The following FXYD2 variants were observed in gnomAD, a reference collection of about 807,000 sequenced individuals.
The protein encoded by FXYD2 is FXYD domain containing ion transport regulator 2.
Under a neutral mutation model 11.8 loss-of-function variants are expected in FXYD2, and 8 were observed. The observed-to-expected ratio is 0.68, with a 90% CI of 0.40 to 1.22. The LOEUF (loss-of-function observed/expected upper bound fraction) is 1.22, where lower values mean the gene tolerates loss of function less well. FXYD2 is among the 50% of genes most tolerant of loss of function. The probability of loss-of-function intolerance (pLI) is 0.01; values close to 1 mark genes in which losing one functional copy is unlikely to be tolerated. For missense variants in FXYD2, 92 were observed against 91.8 expected (o/e 1.00, Z -0.01); for synonymous variants, 42 against 33.3 (o/e 1.26, Z -0.90).
Position 117,821,102 on chromosome 11 carries a change from G to T in FXYD2, c.140-207C>A, listed in dbSNP as rs186166022. ...GACGGGGTCTTACTCTGTCACCCAG[G>T]CTGGAGTGCAGTGGTGGGATCGTAG... On this transcript the variant is annotated intron_variant, in intron 3 of 5. Coordinates refer to ENST00000292079, the MANE Select transcript of FXYD2 (RefSeq NM_001680.5). 2.5e-4 allele frequency: 127 copies of T among 515,976 alleles called. 1 individual carries two copies. The highest frequency in any genetic ancestry group is 2.2e-3 in the African/African-American group (111 of 49,820). 32.0% of individuals were successfully genotyped at this position (515,976 alleles called of 1,614,324 possible). A position where few individuals can be genotyped will look rare whatever the true frequency, so the allele number is the denominator to read the frequency against.
Position 117,822,715 on chromosome 11 carries a change from C to T in FXYD2, c.28G>A (p.Gly10Ser), listed in dbSNP as rs146614981. The T allele has an allele frequency of 1.5e-4, 241 of 1,609,604 alleles. No individual in the cohort carries two copies. In the African/African-American group the frequency reaches 2.4e-3, roughly 16 times the overall value. ...GGGTCCACGTCCCCCTTGGGGCTGC[C>T]GCCTAGGAGAGAGCCAGAGGTGGGA... MTGLSMDGG[G>S]SPKGDVDPFY... The change falls in exon 2 of 6, where the codon GGC becomes AGC. Residue 10 changes from glycine to serine, a missense_variant and splice_region_variant. Gly to Ser is a moderately conservative substitution (Grantham distance 56). Transcript: ENST00000292079. The surrounding 1 kb of genome is among the most constrained non-coding windows in gnomAD (Gnocchi z 4.7).
chr11:117,826,490 C>T (rs751196167), upstream of FXYD2, among the ~76,000 whole-genome samples: 1 of 152,092 alleles, frequency 6.6e-6, no homozygotes, highest in Non-Finnish European at 1.5e-5. Flanking sequence ...GTGGCCAGGG[C>T]ACTGGGTACA....
At chr11:117,821,788 C>T (rs1218854795) in intron 3 of FXYD2, 3 of 988,946 alleles carry the variant, frequency 3.0e-6, no homozygotes, top group Non-Finnish European at 3.6e-6. Context: ...GGTGGGGTGG[C>T]AGTGGCACAC....
rs151172706 is a variant in FXYD2, at chr11:117,822,431, G to A, written c.114C>T (p.Phe38=). 33 of 1,562,442 alleles carry A rather than the reference G, an allele frequency of 2.1e-5. No homozygotes were observed. In the African/African-American group the frequency reaches 2.7e-4, roughly 13 times the overall value. Residue 38 remains phenylalanine (F), a synonymous_variant, in exon 3 of 6, where the codon TTC becomes TTT. Coordinates refer to ENST00000292079, the MANE Select transcript of FXYD2 (RefSeq NM_001680.5). The surrounding 1 kb of genome is among the most constrained non-coding windows in gnomAD (Gnocchi z 4.7). ...NGGLIFAGLA[F]IVGLLILLSR... ...TGAGGAGGATGAGGAGCCCCACGAT[G>A]AAGGCCAGTCCAGCGAAGATCAGGC...
rs41304349 is a variant in FXYD2 at position 117,820,164 on chromosome 11, C to T, written c.*215G>A. The T allele has an allele frequency of 5.2e-3, 812 of 157,278 alleles. 4 individuals carry two copies. The highest frequency in any genetic ancestry group is 0.015 in the East Asian group (81 of 5,296). The allele number at this position is 157,278 out of a possible 1,614,324, so 9.7% of individuals were successfully genotyped here. A position where few individuals can be genotyped will look rare whatever the true frequency, so the allele number is the denominator to read the frequency against. On this transcript the variant is annotated 3_prime_UTR_variant, in exon 6 of 6. Transcript: ENST00000292079. ...AGGTGAGGGAAGCAGCGGTCTCTGA[C>T]GCCGGCTTTATTATAAGCATGAGGT...
In FXYD2 at chr11:117,822,933, T is replaced by A. The variant is rs1014897829; in HGVS notation, c.26-216A>T. Among the ~76,000 whole-genome samples the A allele has an allele frequency of 3.3e-5, 5 of 152,026 alleles. No individual in the cohort carries two copies. Among genetic ancestry groups the A allele is most frequent in the African/African-American group, 1.2e-4 (5 of 41,394 alleles). On this transcript the variant is annotated intron_variant, in intron 1 of 5. Transcript: ENST00000292079. This position sits in a 1 kb window ranked among gnomAD's most constrained non-coding sequence, Gnocchi z 4.7. ...TCAACTGGGGACCAAATACCGAGTGTCCGAGGGGGATCCGTGCTGTCTGGG... is the reference window on the plus strand; with the variant it reads ...TCAACTGGGGACCAAATACCGAGTGACCGAGGGGGATCCGTGCTGTCTGGG...
chr11:117,821,900 A>G (rs764301621), intron 3 of FXYD2: 43 of 1,010,880 alleles, frequency 4.3e-5, no homozygotes, highest in Non-Finnish European at 4.5e-5. Context: ...AAACAAGTCA[A>G]TGTGCAGTTA....
chr11:117,822,661 G>T lies in FXYD2; in HGVS notation c.64+18C>A, dbSNP rs1270054754. On this transcript the variant is annotated intron_variant, in intron 2 of 5. Coordinates refer to ENST00000292079, the MANE Select transcript of FXYD2 (RefSeq NM_001680.5). The surrounding 1 kb of genome is among the most constrained non-coding windows in gnomAD (Gnocchi z 4.7). ...GGTCCTGAGGGCTCAGGAAGGGTGCGCAGGGGCCCAGGCTTACCATAGTAG... is the reference window on the plus strand; with the variant it reads ...GGTCCTGAGGGCTCAGGAAGGGTGCTCAGGGGCCCAGGCTTACCATAGTAG... 7 of 1,607,898 alleles carry T rather than the reference G, an allele frequency of 4.4e-6. No homozygotes were observed. Among genetic ancestry groups the T allele is most frequent in the Non-Finnish European group, 5.9e-6 (7 of 1,178,102 alleles).
upstream of FXYD2, among the ~76,000 whole-genome samples, chr11:117,825,315 T>C (rs2056012279): frequency 6.6e-6 from 1 of 152,172 alleles, no homozygotes; most frequent in Admixed American, 6.5e-5. Flanking sequence ...ACCCTGCAGG[T>C]TACACCTCAT....
upstream of FXYD2, among the ~76,000 whole-genome samples, chr11:117,827,117 T>G (rs61903778): frequency 0.11 from 16,496 of 151,446 alleles, 1,027 homozygotes; most frequent in East Asian, 0.21. Flanking sequence ...GATAGATAGA[T>G]AGATAGATAG....
chr11:117,822,739 G>A lies in FXYD2; in HGVS notation c.26-22C>T, dbSNP rs1469156047. Reference sequence around the variant, plus strand: ...CCGCCTAGGAGAGAGCCAGAGGTGGGATGAGAGGAGTCACCGATGGTGAGC... The same window carrying A: ...CCGCCTAGGAGAGAGCCAGAGGTGGAATGAGAGGAGTCACCGATGGTGAGC... On this transcript the variant is annotated intron_variant, in intron 1 of 5. Transcript: ENST00000292079. The surrounding 1 kb of genome is among the most constrained non-coding windows in gnomAD (Gnocchi z 4.7). The A allele has an allele frequency of 9.3e-6, 15 of 1,605,840 alleles. No homozygotes were observed. Among genetic ancestry groups the A allele is most frequent in the African/African-American group, 1.3e-5 (1 of 74,878 alleles).
upstream of FXYD2, among the ~76,000 whole-genome samples, chr11:117,825,298 A>G (rs2056011786): frequency 6.6e-6 from 1 of 152,144 alleles, no homozygotes. Flanking sequence ...TTCACCCATC[A>G]ACGTGCACCC....
In FXYD2 at chr11:117,820,392, A is replaced by C; in HGVS notation, c.*7-20T>G. On this transcript the variant is annotated intron_variant, in intron 5 of 5. Transcript: ENST00000292079. ...CCGAGGCTGAGAAGACAAAGGCAGG[A>C]TGGGGTTGGGTGGGAGGCAGCAGAG... 1 of 530,828 alleles carries C rather than the reference A, an allele frequency of 1.9e-6. No individual in the cohort carries two copies. 32.9% of individuals were successfully genotyped at this position (530,828 alleles called of 1,614,324 possible). A position where few individuals can be genotyped will look rare whatever the true frequency, so the allele number is the denominator to read the frequency against.
rs139816783 is a variant in FXYD2, at chr11:117,820,859, C to T, written c.176G>A (p.Arg59Lys). Residue 59 changes from arginine to lysine, a missense_variant and splice_region_variant, in exon 4 of 6, where the codon AGG (arginine) becomes AAG (lysine). Transcript: ENST00000292079. The stretch of plus-strand genomic sequence containing the variant: ...ATCGGTCACCCCAGGCAGCGCTCAC[C>T]TGCGCTTCTTATTGCCCCCACAGCG... ...RFRCGGNKKR[R>K]QINEDEP 27 of 1,613,880 alleles carry T rather than the reference C, an allele frequency of 1.7e-5. No homozygotes were observed. The African/African-American group carries it at 3.2e-4, about 19-fold the overall frequency.
chr11:117,824,741 G>A lies in FXYD2; in HGVS notation c.-63C>T, dbSNP rs1188497095. On this transcript the variant is annotated 5_prime_UTR_variant, in exon 1 of 6. Coordinates refer to ENST00000292079, the MANE Select transcript of FXYD2 (RefSeq NM_001680.5). The surrounding 1 kb of genome is among the most constrained non-coding windows in gnomAD (Gnocchi z 4.0). ...CTGCTGTCTCTGCTTTTTGGAGAGT[G>A]TCTGGCTGCCTCCACGGGGTGGCCG... 9 of 1,604,670 alleles carry A rather than the reference G, an allele frequency of 5.6e-6. No homozygotes were observed. The highest frequency in any genetic ancestry group is 4.3e-6 in the Non-Finnish European group (5 of 1,175,796).
chr11:117,820,584 A>C (rs2055874311), intron 5 of FXYD2, 82 bp downstream of exon 5: 21 of 1,565,618 alleles, frequency 1.3e-5, no homozygotes, highest in Non-Finnish European at 8.8e-7. Context: ...TTATTTACCG[A>C]GTCCAGGAGC....
chr11:117,822,136 C>T lies in FXYD2; in HGVS notation c.139+270G>A. On this transcript the variant is annotated intron_variant, in intron 3 of 5. Coordinates refer to ENST00000292079, the MANE Select transcript of FXYD2 (RefSeq NM_001680.5). This position sits in a 1 kb window ranked among gnomAD's most constrained non-coding sequence, Gnocchi z 4.7. Reference sequence around the variant, plus strand: ...GGGCCTAGTCCCCCTGTCTGGCCCTCCGGTTACCCAGTTACCCCGTGGGTT... The same window carrying T: ...GGGCCTAGTCCCCCTGTCTGGCCCTTCGGTTACCCAGTTACCCCGTGGGTT... 7.2e-7 allele frequency: 1 copy of T among 1,387,600 alleles called. No homozygotes were observed. Among genetic ancestry groups the T allele is most frequent in the Non-Finnish European group, 9.4e-7 (1 of 1,068,302 alleles). 86.0% of individuals were successfully genotyped at this position (1,387,600 alleles called of 1,614,324 possible). A position where few individuals can be genotyped will look rare whatever the true frequency, so the allele number is the denominator to read the frequency against.
chr11:117,820,422 G>T, intron 5 of FXYD2, 50 bp from the exon 6 acceptor site: 1 of 577,126 alleles, frequency 1.7e-6, no homozygotes, highest in Non-Finnish European at 3.0e-6. Flanking sequence ...GCAGAGGTTG[G>T]GGTTTTACTT....
At chr11:117,825,091 C>A (rs538823751), upstream of FXYD2, among the ~76,000 whole-genome samples, 2 of 152,266 alleles carry the variant, frequency 1.3e-5, no homozygotes, top group Non-Finnish European at 2.9e-5. Flanking sequence ...CCACAGTGGC[C>A]CCCAGCCCAG....
Sources: allele counts gnomAD v4.1 joint callset (sites outside exome capture counted in the v4.1 genomes callset), GRCh38; gene constraint gnomAD v4.1.1; non-coding constraint Gnocchi (gnomAD v3.1); transcripts MANE v1.5; gene names NCBI Gene and HGNC (gene_info 2026-07-23, HGNC 2026-07-21).